CHST8: variants seen among roughly 807,000 people sequenced by gnomAD.
CHST8 encodes carbohydrate sulfotransferase 8.
CHST8 carries 10 observed loss-of-function variants against 15.0 expected under a neutral mutation model. The observed-to-expected ratio is 0.67, with a 90% CI of 0.41 to 1.13. CHST8 has a LOEUF of 1.13. Among genes scored for constraint, CHST8 ranks in the 50% most tolerant of loss-of-function variants. The pLI is 0.00. For synonymous variants in CHST8, 259 were observed against 256.6 expected (o/e 1.01, Z -0.09); for missense variants, 634 against 608.2 (o/e 1.04, Z -0.45).
intron 3 of CHST8, among the ~76,000 whole-genome samples, chr19:33,692,013 G>T (rs983176471): frequency 2.6e-5 from 4 of 152,036 alleles, no homozygotes; most frequent in Non-Finnish European, 4.4e-5. Flanking sequence ...CCTCATTCAC[G>T]TCCCTCCCAC....
chr19:33,713,383 G>A (rs1973597879), intron 3 of CHST8, among the ~76,000 whole-genome samples: 1 of 152,088 alleles, frequency 6.6e-6, no homozygotes, highest in Non-Finnish European at 1.5e-5. Flanking sequence ...TTATGCAATG[G>A]CATGCTTGGT....
At chr19:33,721,414 CCTAACACTG>C (rs1192608090) in intron 3 of CHST8, among the ~76,000 whole-genome samples, 1 of 152,164 alleles carries the variant, frequency 6.6e-6, no homozygotes, top group African/African-American at 2.4e-5. Context: ...GTGTGCAGGG[CCTAACACTG>C]CTATGCTAGG....
intron 3 of CHST8, among the ~76,000 whole-genome samples, chr19:33,748,236 T>C (rs1211789425): frequency 6.6e-6 from 1 of 152,172 alleles, no homozygotes. Context: ...TGGATGGCGG[T>C]GAGCTCAGGG....
intron 3 of CHST8, among the ~76,000 whole-genome samples, chr19:33,747,663 A>G (rs1339075193): frequency 6.6e-6 from 1 of 152,148 alleles, no homozygotes; most frequent in Non-Finnish European, 1.5e-5. Flanking sequence ...GCTGTCCAAG[A>G]GGGGCAAAGA....
intron 1 of CHST8, among the ~76,000 whole-genome samples, chr19:33,635,720 C>A (rs532239661): frequency 2.0e-5 from 3 of 152,136 alleles, no homozygotes; most frequent in Non-Finnish European, 4.4e-5. Context: ...CCAGTTGACC[C>A]ACCACACAAG....
chr19:33,639,410 G>C (rs1037763559), intron 1 of CHST8, among the ~76,000 whole-genome samples: 3 of 152,174 alleles, frequency 2.0e-5, no homozygotes, highest in African/African-American at 7.2e-5. Flanking sequence ...GGGCTGCAGA[G>C]GTGGCCAGGA....
chr19:33,757,548 GA>G (rs1974619027), intron 3 of CHST8, among the ~76,000 whole-genome samples: 2 of 112,906 alleles, frequency 1.8e-5, no homozygotes, highest in African/African-American at 6.8e-5. Flanking sequence ...AAGAAAGAAA[GA>G]AAGAAAGAAA....
At chr19:33,673,911 A>AATTTGCTCGCGCCATCACG (rs1972776290) in intron 2 of CHST8, among the ~76,000 whole-genome samples, 1 of 152,140 alleles carries the variant, frequency 6.6e-6, no homozygotes, top group East Asian at 1.9e-4. Flanking sequence ...GCGCCATCAC[A>AATTTGCTCGCGCCATCACG]TCTGGCTAAT....
intron 1 of CHST8, among the ~76,000 whole-genome samples, chr19:33,628,853 C>T (rs140013691): frequency 1.1e-4 from 17 of 152,172 alleles, no homozygotes; most frequent in Middle Eastern, 3.4e-3. Flanking sequence ...ACCCATGGGA[C>T]GCTATTGGGA....
intron 2 of CHST8, among the ~76,000 whole-genome samples, chr19:33,677,059 A>C (rs1418034540): frequency 6.6e-6 from 1 of 152,150 alleles, no homozygotes; most frequent in Non-Finnish European, 1.5e-5. Context: ...CCAATGACTG[A>C]CATTTTGAGT....
chr19:33,749,528 G>C (rs540096372), intron 3 of CHST8, among the ~76,000 whole-genome samples: 1 of 151,124 alleles, frequency 6.6e-6, no homozygotes, highest in Admixed American at 6.6e-5. Flanking sequence ...ACAACACATG[G>C]GTGGCTGGAA....
intron 3 of CHST8, among the ~76,000 whole-genome samples, chr19:33,755,763 G>A (rs1399528930): frequency 6.6e-6 from 1 of 152,226 alleles, no homozygotes; most frequent in Non-Finnish European, 1.5e-5. Flanking sequence ...CAGCTGCGCT[G>A]GTTGGACTTC....
Position 33,766,006 on chromosome 19 carries a change from C to T in CHST8, c.131-5407C>T, listed in dbSNP as rs1047256998. 1.8e-4 allele frequency among the ~76,000 whole-genome samples: 28 copies of T among 152,130 alleles called. 1 individual carries two copies. Among genetic ancestry groups the T allele is most frequent in the African/African-American group, 5.8e-4 (24 of 41,420 alleles). ...AAGTTCCCCAAGTAGGAGGGAGTCT[C>T]GGACCTCCTTCCCATGCAAGCTGCG... On this transcript the variant is annotated intron_variant, in intron 3 of 4. Coordinates refer to ENST00000650847, the MANE Select transcript of CHST8 (RefSeq NM_001127895.2).
intron 3 of CHST8, among the ~76,000 whole-genome samples, chr19:33,723,408 A>G (rs1973838224): frequency 6.6e-6 from 1 of 152,204 alleles, no homozygotes; most frequent in Admixed American, 6.5e-5. Context: ...TGTGTTCATC[A>G]TCAAGGTGTT....
chr19:33,644,719 C>T (rs1972328113), intron 1 of CHST8, among the ~76,000 whole-genome samples: 1 of 151,956 alleles, frequency 6.6e-6, no homozygotes, highest in Admixed American at 6.6e-5. Context: ...CTAGCCTGGG[C>T]AACGGAGCAA....
chr19:33,704,294 C>T (rs1973401196), intron 3 of CHST8, among the ~76,000 whole-genome samples: 1 of 152,258 alleles, frequency 6.6e-6, no homozygotes, highest in South Asian at 2.1e-4. Context: ...CCCATCCCAC[C>T]TCCTCCAAAG....
At chr19:33,761,795 G>A (rs1197269968) in intron 3 of CHST8, among the ~76,000 whole-genome samples, 2 of 151,888 alleles carry the variant, frequency 1.3e-5, no homozygotes, top group African/African-American at 2.4e-5. Context: ...CCATGACCAC[G>A]GCACTCCAGC....
At chr19:33,732,890 G>C (rs1361667065) in intron 3 of CHST8, among the ~76,000 whole-genome samples, 1 of 152,164 alleles carries the variant, frequency 6.6e-6, no homozygotes, top group Non-Finnish European at 1.5e-5. Context: ...CCTTCATGGA[G>C]GGCATATCAC....
At chr19:33,643,735 T>A (rs1972314169) in intron 1 of CHST8, among the ~76,000 whole-genome samples, 1 of 152,218 alleles carries the variant, frequency 6.6e-6, no homozygotes, top group African/African-American at 2.4e-5. Context: ...TTCTAGTATC[T>A]TAGGAGGCAG....
Sources: allele counts gnomAD v4.1 joint callset (sites outside exome capture counted in the v4.1 genomes callset), GRCh38; gene constraint gnomAD v4.1.1; transcripts MANE v1.5; gene names NCBI Gene and HGNC (gene_info 2026-07-23, HGNC 2026-07-21).